The following TAF1 variants were observed in gnomAD, a reference collection of about 807,000 sequenced individuals.
The protein encoded by TAF1 is transcription initiation factor TFIID subunit 1.
A neutral mutation model predicts 138.5 loss-of-function variants in TAF1; 2 were observed. The observed-to-expected ratio is 0.01, with a 90% confidence interval of 0.01 to 0.05. TAF1 has a LOEUF of 0.05. TAF1 is among the 10% of genes least tolerant of loss of function. The pLI is 1.00. For synonymous variants in TAF1, 437 were observed against 503.2 expected (o/e 0.87, Z 1.76); for missense variants, 709 against 1,478.0 (o/e 0.48, Z 8.53).
In TAF1 at chrX:71,375,149, CCTT is replaced by C. The variant is rs747368622; in HGVS notation, c.353-14_353-12del. ...AATATTTTGGATATTGAGGAGATCA[CCTT>C]CTTGGTTTTATTAGATTATGATGAA... is the stretch of plus-strand genomic sequence containing the variant. On this transcript the variant is annotated splice_polypyrimidine_tract_variant and intron_variant, in intron 3 of 37. Coordinates refer to ENST00000423759, the MANE Select transcript of TAF1 (RefSeq NM_004606.5). The C allele has an allele frequency of 7.2e-4, 868 of 1,203,282 alleles. 2 individuals are homozygous for C. The highest frequency in any genetic ancestry group is 8.0e-4 in the Non-Finnish European group (716 of 892,932).
rs1366102050 is a variant in TAF1, at chrX:71,464,376, G to A, written c.*330G>A. On this transcript the variant is annotated 3_prime_UTR_variant, in exon 38 of 38. Transcript: ENST00000423759. ...TCCCTGGGGAAGGAGGGGAAATTAT[G>A]AAAGAACTAGTAACTTTATGTCCTC... 1.3e-5 allele frequency: 5 copies of A among 378,959 alleles called. No homozygotes were observed. Among genetic ancestry groups the A allele is most frequent in the Non-Finnish European group, 2.2e-5 (5 of 222,788 alleles). The allele number at this position is 378,959 out of a possible 1,213,427, so 31.2% of individuals were successfully genotyped here.
At chrX:71,485,465 G>C (rs895458985) in intron 13 of TAF1, among the ~76,000 whole-genome samples, 1 of 112,078 alleles carries the variant, frequency 8.9e-6, no homozygotes, top group Non-Finnish European at 1.9e-5. Context: ...TAAGGGCTCT[G>C]ATTTCCTCAC....
chrX:71,379,893 C>A (rs540259455), intron 8 of TAF1, among the ~76,000 whole-genome samples: 1 of 111,788 alleles, frequency 8.9e-6, no homozygotes, highest in Non-Finnish European at 1.9e-5. Flanking sequence ...TGAGCCACCA[C>A]GCCTGGCCTG....
chrX:71,405,878 A>G (rs2035439922), intron 25 of TAF1, among the ~76,000 whole-genome samples: 1 of 110,910 alleles, frequency 9.0e-6, no homozygotes, highest in African/African-American at 3.3e-5. Context: ...TAAAAAATGA[A>G]GAAGAAAAAA....
chrX:71,494,279 C>T (rs951695427), intron 13 of TAF1, among the ~76,000 whole-genome samples: 8 of 109,993 alleles, frequency 7.3e-5, no homozygotes, highest in South Asian at 3.9e-4. Context: ...AAAAATTAGC[C>T]GGGCGTGGTG....
intron 32 of TAF1, among the ~76,000 whole-genome samples, chrX:71,446,172 A>G (rs2037687944): frequency 9.0e-6 from 1 of 111,153 alleles, no homozygotes; most frequent in Admixed American, 9.6e-5. Flanking sequence ...CAGGCTCCCA[A>G]AGTGCTGGGA....
chrX:71,432,499 C>CTT (rs200161016), intron 32 of TAF1, among the ~76,000 whole-genome samples: 4 of 97,342 alleles, frequency 4.1e-5, no homozygotes, highest in African/African-American at 1.1e-4. Flanking sequence ...AAGATGGAGA[C>CTT]TTTTTTTTTT....
rs1387368896 is a variant in TAF1, at chrX:71,464,351, T to C, written c.*305T>C. ...CATTTATTGCTTTTGGTATAATTTT[T>C]CCCTGGGGAAGGAGGGGAAATTATG... On this transcript the variant is annotated 3_prime_UTR_variant, in exon 38 of 38. Transcript: ENST00000423759. 4 of 375,174 alleles carry C rather than the reference T, an allele frequency of 1.1e-5. No homozygotes were observed. Among genetic ancestry groups the C allele is most frequent in the African/African-American group, 1.0e-4 (4 of 38,468 alleles). 30.9% of individuals were successfully genotyped at this position (375,174 alleles called of 1,213,427 possible). A position where few individuals can be genotyped will look rare whatever the true frequency, so the allele number is the denominator to read the frequency against.
intron 29 of TAF1, 24 bp downstream of exon 29, chrX:71,421,400 A>G (rs762767578): frequency 5.5e-6 from 3 of 542,265 alleles, no homozygotes; most frequent in Non-Finnish European, 9.0e-6. Flanking sequence ...AATGAGAGAA[A>G]GGCAGTGGAA....
chrX:71,409,649 C>T (rs2035663484), intron 28 of TAF1, among the ~76,000 whole-genome samples: 1 of 111,207 alleles, frequency 9.0e-6, no homozygotes, highest in Non-Finnish European at 1.9e-5. Flanking sequence ...CATCTGTAAA[C>T]ATGGGATAGT....
Position 71,385,014 on chromosome X carries a change from T to C in TAF1, c.2191T>C (p.Phe731Leu). 8.3e-7 allele frequency: 1 copy of C among 1,210,592 alleles called. No homozygotes were observed. The highest frequency in any genetic ancestry group is 1.1e-6 in the Non-Finnish European group (1 of 894,746). ...GETVYCHTSP[F>L]LGSLHPGQLL... is the part of the protein sequence containing the mutation. ...AACTGTTTACTGCCATACATCTCCT[T>C]TCCTGGGTTCTCTCCATCCTGGCCA... The change falls in exon 14 of 38, where the codon TTC (phenylalanine) becomes CTC (leucine). Residue 731 changes from phenylalanine to leucine, a missense_variant. This residue lies in a region of TAF1 where 201 missense variants were observed against 421.3 expected (regional missense o/e 0.48). Coordinates refer to ENST00000423759, the MANE Select transcript of TAF1 (RefSeq NM_004606.5).
At chrX:71,475,342 T>C (rs1456199097) in intron 13 of TAF1, among the ~76,000 whole-genome samples, 1 of 110,461 alleles carries the variant, frequency 9.1e-6, no homozygotes, top group Non-Finnish European at 1.9e-5. Context: ...TCCCAGCACT[T>C]TGGGAGGCTG....
intron 29 of TAF1, 64 bp from the exon 30 acceptor site, chrX:71,423,053 A>G: frequency 8.4e-7 from 1 of 1,192,298 alleles, no homozygotes; most frequent in East Asian, 3.0e-5. Flanking sequence ...ATTGTCCTTA[A>G]CTTTTCTATG....
intron 13 of TAF1, among the ~76,000 whole-genome samples, chrX:71,505,765 A>G (rs2039609563): frequency 8.9e-6 from 1 of 112,036 alleles, no homozygotes; most frequent in Non-Finnish European, 1.9e-5. Context: ...TCATGCCTGT[A>G]ATCCCAGCAC....
chrX:71,508,848 C>T (rs1217389946), intron 13 of TAF1, among the ~76,000 whole-genome samples: 1 of 107,378 alleles, frequency 9.3e-6, no homozygotes, highest in South Asian at 4.1e-4. Flanking sequence ...ACTCTGTTGC[C>T]GAGCCTGGAG....
At chrX:71,384,277 G>T in intron 13 of TAF1, 142 bp downstream of exon 13, 2 of 664,647 alleles carry the variant, frequency 3.0e-6, no homozygotes, top group Non-Finnish European at 4.4e-6. Flanking sequence ...TATTATTAAC[G>T]TAGCTGTAGT....
chrX:71,451,145 T>C (rs2037940575), intron 32 of TAF1, among the ~76,000 whole-genome samples: 1 of 112,814 alleles, frequency 8.9e-6, no homozygotes, highest in Admixed American at 9.4e-5. Flanking sequence ...TTATGTATTA[T>C]GGGTATATAG....
chrX:71,409,356 G>C (rs1330966959), intron 28 of TAF1, among the ~76,000 whole-genome samples: 1 of 110,367 alleles, frequency 9.1e-6, no homozygotes, highest in Non-Finnish European at 1.9e-5. Context: ...TCAAACTCTT[G>C]AGCTCAACCG....
chrX:71,523,366 A>G (rs1293673943), intron 13 of TAF1, among the ~76,000 whole-genome samples: 2 of 110,867 alleles, frequency 1.8e-5, no homozygotes, highest in Non-Finnish European at 3.8e-5. Flanking sequence ...TCTTTCACAT[A>G]ATGTTGTGCT....
Sources: gnomAD v4.1 joint callset for allele counts (sites outside exome capture counted in the v4.1 genomes callset) on GRCh38, gnomAD v4.1.1 for gene constraint, gnomAD v4.1.1 regional missense constraint, MANE v1.5 for transcripts, NCBI Gene and HGNC (gene_info 2026-07-23, HGNC 2026-07-21) for gene names.